The following MAP3K10 variants were observed in gnomAD, a reference collection of about 807,000 sequenced individuals.
The protein encoded by MAP3K10 is mitogen-activated protein kinase kinase kinase 10, also known as MKN28 derived nonreceptor_type serine/threonine kinase.
A neutral mutation model predicts 75.0 loss-of-function variants in MAP3K10; 22 were observed. The observed-to-expected ratio is 0.29, with a 90% CI of 0.21 to 0.42. The LOEUF (loss-of-function observed/expected upper bound fraction) is 0.42, where lower values mean the gene tolerates loss of function less well. Ranked by LOEUF, MAP3K10 falls within the 10% of genes least tolerant of loss-of-function variation. MAP3K10 has a pLI of 1.00. For missense variants in MAP3K10, 1,165 were observed against 1,379.8 expected (o/e 0.84, Z 2.47); for synonymous variants, 599 against 612.9 (o/e 0.98, Z 0.34).
rs374566110 is a variant in MAP3K10, at chr19:40,212,813, G to A, written c.1561G>A (p.Val521Met). Residue 521 changes from valine (V) to methionine (M), a missense_variant, in exon 7 of 10, where the codon GTG (valine) becomes ATG (methionine). Val to Met is a conservative substitution (Grantham distance 21). Around this residue, in one of 2 missense-constraint regions of MAP3K10, gnomAD observed 575 missense variants for 793.2 expected, o/e 0.72. Transcript: ENST00000253055. The surrounding 1 kb of genome is among the most constrained non-coding windows in gnomAD (Gnocchi z 4.2). The part of the protein sequence containing the change: ...PRLRAIRLTP[V>M]DCGGSSSGSS... ...GGCTTCTCTGGACCCAGTGACTCCC[G>A]TGGACTGTGGTGGCAGCAGCAGTGG... 116 of 1,591,412 alleles carry A rather than the reference G, an allele frequency of 7.3e-5. No homozygotes were observed. Among genetic ancestry groups the A allele is most frequent in the Admixed American group, 5.2e-4 (29 of 55,632 alleles).
chr19:40,214,007 A>ACCCCC lies in MAP3K10; in HGVS notation c.2330_2331insCCCCC (p.Ser779HisfsTer45). The ACCCCC allele has an allele frequency of 3.5e-5, 18 of 512,896 alleles. No individual in the cohort carries two copies. Among genetic ancestry groups the ACCCCC allele is most frequent in the Non-Finnish European group, 4.9e-5 (18 of 369,878 alleles). The allele number at this position is 512,896 out of a possible 1,614,324, so 31.8% of individuals were successfully genotyped here. On this transcript the variant is annotated frameshift_variant, in exon 9 of 10. Transcript: ENST00000253055. LOFTEE classifies it high-confidence loss of function. ...AGGCCGCACCGGCCGCGCCCTCCCC[A>ACCCCC]CCACCCTCCCCGCCCGCGCCCACAC...
At position 40,209,178 on chromosome 19, in the gene MAP3K10, C is replaced by T; in HGVS notation, c.1511C>T (p.Pro504Leu). The change falls in exon 6 of 10, where the codon CCT (proline) becomes CTT (leucine). Residue 504 changes from proline to leucine, a missense_variant. Physicochemically the swap from Pro to Leu is moderately conservative, Grantham distance 98. Coordinates refer to ENST00000253055, the MANE Select transcript of MAP3K10 (RefSeq NM_002446.4). ...KRKGSDGASP[P>L]ASPSIIPRLR... is the part of the protein sequence containing the mutation. ...AAAGGATCCGATGGGGCCAGCCCCC[C>T]TGCAAGCCCCAGCATCATCCCCCGG... 1 of 1,614,224 alleles carries T rather than the reference C, an allele frequency of 6.2e-7. No homozygotes were observed. Among genetic ancestry groups the T allele is most frequent in the South Asian group, 1.1e-5 (1 of 91,088 alleles).
chr19:40,208,354 T>C (rs1222158664), intron 5 of MAP3K10, among the ~76,000 whole-genome samples: 1 of 101,252 alleles, frequency 9.9e-6, no homozygotes, highest in African/African-American at 4.3e-5. Flanking sequence ...TCTTTTTTTT[T>C]TTTTTTTTTT....
Position 40,214,047 on chromosome 19 carries a change from A to G in MAP3K10, c.2368A>G (p.Ser790Gly), listed in dbSNP as rs1258888451. The G allele has an allele frequency of 1.8e-6, 2 of 1,096,156 alleles. No individual in the cohort carries two copies. Among genetic ancestry groups the G allele is most frequent in the South Asian group, 1.7e-5 (1 of 59,412 alleles). The allele number at this position is 1,096,156 out of a possible 1,614,324, so 67.9% of individuals were successfully genotyped here. ...PPAPTPTPSP[S>G]TNPLVDLELE... ...CGCGCCCACACCCACGCCCTCGCCC[A>G]GCACCAACCCCCTGGTGGACCTGGA... The change falls in exon 9 of 10, where the codon AGC (serine) becomes GGC (glycine). Residue 790 changes from serine (S) to glycine (G), a missense_variant. Ser to Gly is a moderately conservative substitution (Grantham distance 56, BLOSUM62 0). Around this residue, in one of 2 missense-constraint regions of MAP3K10, gnomAD observed 590 missense variants for 586.6 expected, o/e 1.01. Transcript: ENST00000253055.
intron 2 of MAP3K10, among the ~76,000 whole-genome samples, chr19:40,202,122 G>A (rs1214135015): frequency 3.3e-5 from 5 of 151,968 alleles, no homozygotes; most frequent in Non-Finnish European, 7.4e-5. Context: ...CTCACTGCAA[G>A]CTCCGCCTCC....
Position 40,212,547 on chromosome 19 carries a change from T to C in MAP3K10, c.1553-258T>C, listed in dbSNP as rs1235865592. 6.6e-6 allele frequency among the ~76,000 whole-genome samples: 1 copy of C among 152,108 alleles called. No individual in the cohort carries two copies. The highest frequency in any genetic ancestry group is 1.9e-4 in the East Asian group (1 of 5,194). On this transcript the variant is annotated intron_variant, in intron 6 of 9. Coordinates refer to ENST00000253055, the MANE Select transcript of MAP3K10 (RefSeq NM_002446.4). This position sits in a 1 kb window ranked among gnomAD's most constrained non-coding sequence, Gnocchi z 4.2. ...CAGAATGAATGGTGAAGGGTTAGGCTGTGAAGAGGAGGGGAGGCTGGAGGA... is the reference window on the plus strand; with the variant it reads ...CAGAATGAATGGTGAAGGGTTAGGCCGTGAAGAGGAGGGGAGGCTGGAGGA...
chr19:40,207,215 T>G (rs766502377), intron 5 of MAP3K10, among the ~76,000 whole-genome samples: 1 of 152,098 alleles, frequency 6.6e-6, no homozygotes, highest in Non-Finnish European at 1.5e-5. Flanking sequence ...TTAATCAGAT[T>G]CAGATTCAGG....
chr19:40,193,149 G>A (rs1000070474), intron 1 of MAP3K10, among the ~76,000 whole-genome samples: 5 of 152,174 alleles, frequency 3.3e-5, no homozygotes, highest in Non-Finnish European at 1.5e-5. Context: ...TGTAGGGGCT[G>A]TCCTGTAAAT....
chr19:40,207,898 ATTT>A (rs71171549), intron 5 of MAP3K10, among the ~76,000 whole-genome samples: 1 of 149,582 alleles, frequency 6.7e-6, no homozygotes, highest in Admixed American at 6.7e-5. Context: ...TTCATTAAAA[ATTT>A]TTTTTTTTCT....
chr19:40,199,465 G>A (rs1844110964), intron 2 of MAP3K10, among the ~76,000 whole-genome samples: 1 of 152,182 alleles, frequency 6.6e-6, no homozygotes, highest in Non-Finnish European at 1.5e-5. Flanking sequence ...TACTTCATCT[G>A]AGTTCCAAGT....
chr19:40,200,340 C>T (rs1972992625), intron 2 of MAP3K10, among the ~76,000 whole-genome samples: 1 of 152,112 alleles, frequency 6.6e-6, no homozygotes, highest in Admixed American at 6.6e-5. Flanking sequence ...TAGAGACAGC[C>T]AATGATGGGT....
rs1973107018 is a variant in MAP3K10, at chr19:40,205,684, G to A, written c.1189-227G>A. ...TGTTTGAAGTTTTCTAAATTGAAGA[G>A]TTAAGAAAGAAAAAGAAAGAAAAAG... is the stretch of plus-strand genomic sequence containing the variant. On this transcript the variant is annotated intron_variant, in intron 4 of 9. Transcript: ENST00000253055. This position sits in a 1 kb window ranked among gnomAD's most constrained non-coding sequence, Gnocchi z 4.3. 3.7e-6 allele frequency: 2 copies of A among 536,358 alleles called. No individual in the cohort carries two copies. The highest frequency in any genetic ancestry group is 6.5e-6 in the Non-Finnish European group (2 of 308,560). The allele number at this position is 536,358 out of a possible 1,614,324, so 33.2% of individuals were successfully genotyped here. A position where few individuals can be genotyped will look rare whatever the true frequency, so the allele number is the denominator to read the frequency against.
intron 6 of MAP3K10, among the ~76,000 whole-genome samples, chr19:40,211,154 G>A (rs1263003985): frequency 6.6e-6 from 1 of 152,148 alleles, no homozygotes; most frequent in Non-Finnish European, 1.5e-5. Flanking sequence ...GGAGGGAGCA[G>A]CAAAGGCAAA....
intron 2 of MAP3K10, among the ~76,000 whole-genome samples, chr19:40,203,563 G>C (rs1400735364): frequency 6.6e-6 from 1 of 152,160 alleles, no homozygotes; most frequent in Non-Finnish European, 1.5e-5. Flanking sequence ...TCCAAGTGTG[G>C]CTCCACCACT....
chr19:40,212,771 C>T lies in MAP3K10; in HGVS notation c.1553-34C>T. On this transcript the variant is annotated intron_variant, in intron 6 of 9. Transcript: ENST00000253055. The surrounding 1 kb of genome is among the most constrained non-coding windows in gnomAD (Gnocchi z 4.2). ...TGGGAGCCCAGTGGGGACAGATCCT[C>T]CACCCAGTAACCAAGTGGCTTCTCT... 3 of 1,566,624 alleles carry T rather than the reference C, an allele frequency of 1.9e-6. No homozygotes were observed. Among genetic ancestry groups the T allele is most frequent in the Non-Finnish European group, 2.6e-6 (3 of 1,156,824 alleles).
chr19:40,195,526 C>T (rs1277305723), intron 1 of MAP3K10, among the ~76,000 whole-genome samples: 1 of 113,810 alleles, frequency 8.8e-6, no homozygotes, highest in East Asian at 3.1e-4. Flanking sequence ...AGTCATCTCA[C>T]TCTGTGACCC....
At chr19:40,200,300 TTAAAAA>T (rs1199869031) in intron 2 of MAP3K10, among the ~76,000 whole-genome samples, 2 of 152,006 alleles carry the variant, frequency 1.3e-5, no homozygotes, top group Admixed American at 6.6e-5. Context: ...AAAAAAATAC[TTAAAAA>T]TAAAAGCTCC....
At chr19:40,202,656 A>C (rs576748751) in intron 2 of MAP3K10, among the ~76,000 whole-genome samples, 1 of 152,174 alleles carries the variant, frequency 6.6e-6, no homozygotes, top group African/African-American at 2.4e-5. Context: ...ATTTAAAAAA[A>C]TTTTTAAAAG....
chr19:40,191,763 A>C lies in MAP3K10; in HGVS notation c.-269A>C. On this transcript the variant is annotated 5_prime_UTR_variant, in exon 1 of 10. The change abolishes the stop of an existing upstream ORF in the 5' untranslated region. Transcript: ENST00000253055. Reference sequence around the variant, plus strand: ...GAGAGCCGCGCGGCCAGGCCCTCTTAGCCCTCTGCCGTTTGGGGGGCACGG... The same window carrying C: ...GAGAGCCGCGCGGCCAGGCCCTCTTCGCCCTCTGCCGTTTGGGGGGCACGG... 2.8e-6 allele frequency: 1 copy of C among 352,060 alleles called. No individual in the cohort carries two copies. Among genetic ancestry groups the C allele is most frequent in the Non-Finnish European group, 5.1e-6 (1 of 196,922 alleles). The allele number at this position is 352,060 out of a possible 1,614,324, so 21.8% of individuals were successfully genotyped here.
Sources: allele counts gnomAD v4.1 joint callset (sites outside exome capture counted in the v4.1 genomes callset), GRCh38; gene constraint gnomAD v4.1.1; regional missense constraint gnomAD v4.1.1; non-coding constraint Gnocchi (gnomAD v3.1); transcripts MANE v1.5; gene names NCBI Gene and HGNC (gene_info 2026-07-23, HGNC 2026-07-21).